TBC1D1: variants seen among roughly 807,000 people sequenced by gnomAD.
The protein encoded by TBC1D1 is TBC1 domain family member 1.
In TBC1D1, 89 loss-of-function variants were observed where a neutral mutation model predicts 125.6. The ratio of observed to expected loss-of-function variants is 0.71; its 90% CI spans 0.60 to 0.85. TBC1D1 has a LOEUF of 0.85. Among genes scored for constraint, TBC1D1 ranks in the 40% least tolerant of loss-of-function variants. The pLI is 0.00. For synonymous variants in TBC1D1, 565 were observed against 564.1 expected (o/e 1.00, Z -0.02); for missense variants, 1,377 against 1,469.2 (o/e 0.94, Z 1.03).
intron 2 of TBC1D1, among the ~76,000 whole-genome samples, chr4:37,938,840 A>G (rs1330201739): frequency 1.3e-5 from 2 of 152,158 alleles, no homozygotes; most frequent in African/African-American, 4.8e-5. Context: ...CCATGTCCCT[A>G]CAAAGGACAT....
At chr4:37,947,356 T>C (rs4349611) in intron 2 of TBC1D1, among the ~76,000 whole-genome samples, 82,155 of 151,976 alleles carry the variant, frequency 0.54, 23,454 homozygotes, top group East Asian at 0.94. Context: ...GGACTTTCAC[T>C]ATGTTGGCCA....
rs767724421 is a variant in TBC1D1 at position 38,049,657 on chromosome 4, G to A, written c.1669G>A (p.Glu557Lys). ...TGAAAAGGAGGCCTTGCCCATCTCTGAGAGCTCCTTTAAGCTCCTCGGCTC... is the reference window on the plus strand; with the variant it reads ...TGAAAAGGAGGCCTTGCCCATCTCTAAGAGCTCCTTTAAGCTCCTCGGCTC... Residue 557 changes from glutamate (E) to lysine (K), a missense_variant, in exon 11 of 20, where the codon GAG becomes AAG. Around this residue, in one of 3 missense-constraint regions of TBC1D1, gnomAD observed 822 missense variants for 824.6 expected, o/e 1.00. Transcript: ENST00000261439. 13 of 1,613,448 alleles carry A rather than the reference G, an allele frequency of 8.1e-6. No homozygotes were observed. Among genetic ancestry groups the A allele is most frequent in the Admixed American group, 6.7e-5 (4 of 59,980 alleles).
chr4:38,139,166 T>G lies in TBC1D1; in HGVS notation c.*1831T>G, dbSNP rs971026274. ...AAGCAATAAAACAAGAAATAATTCA[T>G]GCTCACATTTTTATGGTGGTTTTTT... On this transcript the variant is annotated 3_prime_UTR_variant, in exon 20 of 20. Coordinates refer to ENST00000261439, the MANE Select transcript of TBC1D1 (RefSeq NM_015173.4). 1.3e-5 allele frequency: 2 copies of G among 151,356 alleles called. No individual in the cohort carries two copies. The highest frequency in any genetic ancestry group is 4.9e-5 in the African/African-American group (2 of 41,066). The allele number at this position is 151,356 out of a possible 1,614,324, so 9.4% of individuals were successfully genotyped here.
At chr4:38,044,221 A>T in intron 8 of TBC1D1, 141 bp from the exon 9 acceptor site, 1 of 858,182 alleles carries the variant, frequency 1.2e-6, no homozygotes, top group Non-Finnish European at 1.7e-6. Flanking sequence ...CAGCCATGTC[A>T]CTAAGGAGCA....
Position 37,902,231 on chromosome 4 carries a change from G to A in TBC1D1, c.136G>A (p.Glu46Lys). 1 of 1,614,090 alleles carries A rather than the reference G, an allele frequency of 6.2e-7. No homozygotes were observed. Among genetic ancestry groups the A allele is most frequent in the East Asian group, 2.2e-5 (1 of 44,870 alleles). ...GCCCATGCTGCCCTGGGTTGTGGCT[G>A]AGGTGCGAAGACTCAGCAGGCAGTC... The change falls in exon 2 of 20, where the codon GAG becomes AAG. Residue 46 changes from glutamate to lysine, a missense_variant. Glu to Lys is a moderately conservative substitution (Grantham distance 56, BLOSUM62 1). Coordinates refer to ENST00000261439, the MANE Select transcript of TBC1D1 (RefSeq NM_015173.4).
At chr4:38,064,806 G>A (rs1358383444) in intron 12 of TBC1D1, among the ~76,000 whole-genome samples, 1 of 151,262 alleles carries the variant, frequency 6.6e-6, no homozygotes, top group African/African-American at 2.4e-5. Flanking sequence ...TGTGTTTTTA[G>A]TAGAGACGGG....
chr4:37,963,712 G>C (rs1256157701), intron 2 of TBC1D1, among the ~76,000 whole-genome samples: 2 of 152,078 alleles, frequency 1.3e-5, no homozygotes, highest in South Asian at 2.1e-4. Flanking sequence ...GCTAAGACTG[G>C]GTAGTAATTA....
intron 11 of TBC1D1, among the ~76,000 whole-genome samples, chr4:38,050,576 CTG>C (rs1215439983): frequency 6.6e-6 from 1 of 152,194 alleles, no homozygotes; most frequent in Non-Finnish European, 1.5e-5. Flanking sequence ...TCATTTAACT[CTG>C]TGTGCCAGAG....
rs1409648742 is a variant in TBC1D1, at chr4:37,996,128, C to A, written c.418-18381C>A. On this transcript the variant is annotated intron_variant, in intron 2 of 19. Transcript: ENST00000261439. ...AATCTGTAGAGGAATTCCTTGGCTT[C>A]TTGGAAAAGCTCTTGCCTGAAGACA... 1.2e-5 allele frequency: 6 copies of A among 480,080 alleles called. No individual in the cohort carries two copies. The East Asian group carries it at 2.3e-4, about 18-fold the overall frequency. 29.7% of individuals were successfully genotyped at this position (480,080 alleles called of 1,614,324 possible).
Position 37,977,353 on chromosome 4 carries a change from A to T in TBC1D1, c.418-37156A>T. ...CTCGGGGCAGTGACGAACTGGGTGG[A>T]GCCCGCCGCCGCCGCCGCCGCCGCC... On this transcript the variant is annotated intron_variant, in intron 2 of 19. Coordinates refer to ENST00000261439, the MANE Select transcript of TBC1D1 (RefSeq NM_015173.4). This position sits in a 1 kb window ranked among gnomAD's most constrained non-coding sequence, Gnocchi z 4.3. 1 of 237,928 alleles carries T rather than the reference A, an allele frequency of 4.2e-6. No homozygotes were observed. Among genetic ancestry groups the T allele is most frequent in the Non-Finnish European group, 6.4e-6 (1 of 156,364 alleles). 14.7% of individuals were successfully genotyped at this position (237,928 alleles called of 1,614,324 possible).
At chr4:38,002,607 G>C (rs1325670035) in intron 2 of TBC1D1, among the ~76,000 whole-genome samples, 1 of 152,204 alleles carries the variant, frequency 6.6e-6, no homozygotes, top group Non-Finnish European at 1.5e-5. Context: ...AATACTTGCA[G>C]TATGCCAGAC....
intron 14 of TBC1D1, among the ~76,000 whole-genome samples, chr4:38,100,624 CATTAT>C (rs1760141858): frequency 6.6e-6 from 1 of 152,072 alleles, no homozygotes. Flanking sequence ...TCTACAGGGT[CATTAT>C]ATTAATGCTG....
At chr4:37,960,980 C>T in intron 2 of TBC1D1, 1 of 1,614,086 alleles carries the variant, frequency 6.2e-7, no homozygotes, top group Non-Finnish European at 8.5e-7. Context: ...TTGCAGTCTC[C>T]TTCAAGCATT....
rs186024901 is a variant in TBC1D1, at chr4:37,947,573, G to A, written c.417+45061G>A. The stretch of plus-strand genomic sequence containing the variant: ...CCTCCTGGGCTCAAGCAATCCTCCT[G>A]TCCCAACCTCCCCAGGTTACACCAG... On this transcript the variant is annotated intron_variant, in intron 2 of 19. Transcript: ENST00000261439. Among the ~76,000 whole-genome samples, 5 of 152,194 alleles carry A rather than the reference G, an allele frequency of 3.3e-5. No homozygotes were observed. In the South Asian group the frequency reaches 1.0e-3, roughly 32 times the overall value.
chr4:38,099,268 G>A (rs1759888469), intron 14 of TBC1D1, among the ~76,000 whole-genome samples: 1 of 152,188 alleles, frequency 6.6e-6, no homozygotes, highest in Non-Finnish European at 1.5e-5. Flanking sequence ...CCTTGAAAAT[G>A]ACACCATAAG....
At chr4:38,026,815 G>A (rs1027752694) in intron 6 of TBC1D1, among the ~76,000 whole-genome samples, 3 of 152,108 alleles carry the variant, frequency 2.0e-5, no homozygotes, top group African/African-American at 7.2e-5. Context: ...ATTATGTAAT[G>A]ACTTTATTTT....
At chr4:38,121,893 A>G (rs1388895894) in intron 17 of TBC1D1, among the ~76,000 whole-genome samples, 1 of 152,198 alleles carries the variant, frequency 6.6e-6, no homozygotes, top group African/African-American at 2.4e-5. Flanking sequence ...GCTTTAAAGG[A>G]TGAAGATGTT....
At chr4:37,981,821 G>A (rs1348904527) in intron 2 of TBC1D1, among the ~76,000 whole-genome samples, 3 of 152,134 alleles carry the variant, frequency 2.0e-5, no homozygotes, top group African/African-American at 7.2e-5. Flanking sequence ...GAGGAGTGAT[G>A]TCAGCTGATG....
chr4:38,069,792 C>T (rs1427808222), intron 12 of TBC1D1, among the ~76,000 whole-genome samples: 3 of 152,194 alleles, frequency 2.0e-5, no homozygotes, highest in Non-Finnish European at 4.4e-5. Flanking sequence ...ATGGAGGCAC[C>T]GTGGTATCAG....
Sources: allele counts gnomAD v4.1 joint callset (sites outside exome capture counted in the v4.1 genomes callset), GRCh38; gene constraint gnomAD v4.1.1; regional missense constraint gnomAD v4.1.1; non-coding constraint Gnocchi (gnomAD v3.1); transcripts MANE v1.5; gene names NCBI Gene and HGNC (gene_info 2026-07-23, HGNC 2026-07-21).